CACNA1D: variants seen among roughly 807,000 people sequenced by gnomAD.
The protein encoded by CACNA1D is voltage-dependent L-type calcium channel subunit alpha-1D.
In CACNA1D, 55 loss-of-function variants were observed where a neutral mutation model predicts 257.1. The observed-to-expected ratio is 0.21, with a 90% CI of 0.17 to 0.27. CACNA1D has a LOEUF of 0.27. CACNA1D is among the 10% of genes least tolerant of loss of function. The pLI is 1.00. For missense variants in CACNA1D, 1,876 were observed against 2,784.0 expected (o/e 0.67, Z 7.34); for synonymous variants, 980 against 1,014.9 (o/e 0.97, Z 0.65).
chr3:53,561,932 A>G (rs1559844245), intron 3 of CACNA1D, among the ~76,000 whole-genome samples: 1 of 152,208 alleles, frequency 6.6e-6, no homozygotes, highest in African/African-American at 2.4e-5. Flanking sequence ...TTGATTTGAT[A>G]TTCTCTGAAA....
At chr3:53,540,551 A>G (rs909413316) in intron 3 of CACNA1D, among the ~76,000 whole-genome samples, 6 of 152,044 alleles carry the variant, frequency 3.9e-5, no homozygotes, top group Admixed American at 3.9e-4. Context: ...TGCAACTTAT[A>G]TATGATCTTT....
At chr3:53,689,880 C>T (rs1244346799) in intron 8 of CACNA1D, among the ~76,000 whole-genome samples, 15 of 152,088 alleles carry the variant, frequency 9.9e-5, no homozygotes. Flanking sequence ...TGGCTGGTCT[C>T]AGGTTCTGGC....
At chr3:53,614,216 G>A (rs987060723) in intron 3 of CACNA1D, among the ~76,000 whole-genome samples, 2 of 151,992 alleles carry the variant, frequency 1.3e-5, no homozygotes, top group African/African-American at 4.8e-5. Flanking sequence ...CTGAGATCCA[G>A]ATCTTGTTGC....
chr3:53,587,011 A>G (rs1460362167), intron 3 of CACNA1D, among the ~76,000 whole-genome samples: 1 of 152,054 alleles, frequency 6.6e-6, no homozygotes, highest in Non-Finnish European at 1.5e-5. Context: ...AAGATTGTCC[A>G]GGGCGTGATG....
At chr3:53,767,512 G>A (rs2095340128) in intron 30 of CACNA1D, among the ~76,000 whole-genome samples, 1 of 148,308 alleles carries the variant, frequency 6.7e-6, no homozygotes, top group Non-Finnish European at 1.5e-5. Flanking sequence ...GTTGCAGTGA[G>A]CCAAGATCAT....
At chr3:53,732,989 C>T (rs777679527) in intron 19 of CACNA1D, 27 bp downstream of exon 19, 39 of 1,613,036 alleles carry the variant, frequency 2.4e-5, no homozygotes, top group Middle Eastern at 1.6e-4. Flanking sequence ...TAGTCTCTCA[C>T]GGCTGCCTCT....
At chr3:53,740,143 T>A (rs2095101782) in intron 20 of CACNA1D, 137 bp from the exon 21 acceptor site, 1 of 766,748 alleles carries the variant, frequency 1.3e-6, no homozygotes, top group Non-Finnish European at 2.4e-6. Flanking sequence ...CCCGTGGCTC[T>A]GCACTTACCT....
chr3:53,565,139 A>G (rs952948787), intron 3 of CACNA1D, among the ~76,000 whole-genome samples: 2 of 151,874 alleles, frequency 1.3e-5, no homozygotes, highest in African/African-American at 2.4e-5. Flanking sequence ...GCTCATATCT[A>G]TTTCTGGGTT....
chr3:53,801,452 G>T, intron 42 of CACNA1D, 27 bp downstream of exon 42: 1 of 1,612,190 alleles, frequency 6.2e-7, no homozygotes, highest in Non-Finnish European at 8.5e-7. Flanking sequence ...GTTTGGACTT[G>T]CTCATGTGGT....
chr3:53,699,743 G>T (rs896519349), intron 8 of CACNA1D, among the ~76,000 whole-genome samples: 4 of 152,112 alleles, frequency 2.6e-5, no homozygotes, highest in Non-Finnish European at 5.9e-5. Flanking sequence ...CAGTTCAGAG[G>T]GTCTATATCA....
chr3:53,739,683 A>G (rs1039542220), intron 20 of CACNA1D, among the ~76,000 whole-genome samples: 1 of 152,176 alleles, frequency 6.6e-6, no homozygotes, highest in Non-Finnish European at 1.5e-5. Flanking sequence ...GGAGTGCTGG[A>G]GACCACCAAT....
chr3:53,548,792 G>A (rs765465505), intron 3 of CACNA1D, among the ~76,000 whole-genome samples: 39 of 152,150 alleles, frequency 2.6e-4, no homozygotes, highest in Non-Finnish European at 4.3e-4. Flanking sequence ...TTGCATAAAC[G>A]TTCCCATTTA....
At chr3:53,565,658 C>T (rs989364764) in intron 3 of CACNA1D, among the ~76,000 whole-genome samples, 9 of 152,030 alleles carry the variant, frequency 5.9e-5, no homozygotes, top group Non-Finnish European at 1.2e-4. Context: ...CATGTGGAAC[C>T]TTGTGTAGTA....
chr3:53,718,252 G>A, intron 9 of CACNA1D, 49 bp from the exon 10 acceptor site: 2 of 1,526,890 alleles, frequency 1.3e-6, no homozygotes, highest in Non-Finnish European at 1.8e-6. Flanking sequence ...TGCCTCCCAG[G>A]CGTGCAGTGT....
At chr3:53,608,173 T>C (rs1370821494) in intron 3 of CACNA1D, among the ~76,000 whole-genome samples, 4 of 152,166 alleles carry the variant, frequency 2.6e-5, no homozygotes, top group Non-Finnish European at 5.9e-5. Flanking sequence ...TTAATTTTTT[T>C]CAATAATGTT....
intron 29 of CACNA1D, among the ~76,000 whole-genome samples, chr3:53,755,127 A>C (rs1296972275): frequency 6.6e-6 from 1 of 152,194 alleles, no homozygotes. Context: ...TTCTTTGAAC[A>C]ATATTTGTCT....
At chr3:53,810,416 A>G (rs1237953787) in intron 47 of CACNA1D, 118 bp downstream of exon 47, 10 of 946,228 alleles carry the variant, frequency 1.1e-5, no homozygotes, top group East Asian at 7.4e-5. Flanking sequence ...GGCTGCCTCA[A>G]TCAGACACTT....
At position 53,786,767 on chromosome 3, in the gene CACNA1D, G is replaced by A. The variant is rs200698990; in HGVS notation, c.4793-55G>A. The A allele has an allele frequency of 9.9e-4, 1,121 of 1,131,630 alleles. 1 individual carries two copies. Among genetic ancestry groups the A allele is most frequent in the Non-Finnish European group, 1.2e-3 (1,015 of 819,162 alleles). The allele number at this position is 1,131,630 out of a possible 1,614,324, so 70.1% of individuals were successfully genotyped here. The stretch of plus-strand genomic sequence containing the variant: ...TGCCCCAGCCAGAAGCAAGTGTTTA[G>A]GCTCTTGGTCTAATGTGCTGATTCG... On this transcript the variant is annotated intron_variant, in intron 39 of 47. Coordinates refer to ENST00000350061, the MANE Select transcript of CACNA1D (RefSeq NM_001128840.3).
chr3:53,798,676 G>C (rs980091309), intron 40 of CACNA1D, among the ~76,000 whole-genome samples: 1 of 152,172 alleles, frequency 6.6e-6, no homozygotes, highest in Non-Finnish European at 1.5e-5. Context: ...TCAAAGGCTT[G>C]GTGCTTTTGT....
Sources: allele counts gnomAD v4.1 joint callset (sites outside exome capture counted in the v4.1 genomes callset), GRCh38; gene constraint gnomAD v4.1.1; transcripts MANE v1.5; gene names NCBI Gene and HGNC (gene_info 2026-07-23, HGNC 2026-07-21).